The following ASXL1 variants were observed in gnomAD, a reference collection of about 807,000 sequenced individuals.
The protein encoded by ASXL1 is polycomb group protein ASXL1.
ASXL1 carries 65 observed loss-of-function variants against 89.1 expected under a neutral mutation model. The observed-to-expected ratio is 0.73, with a 90% CI of 0.60 to 0.90. The LOEUF is 0.90. Ranked by LOEUF, ASXL1 falls within the 40% of genes least tolerant of loss-of-function variation. ASXL1 has a pLI of 0.00. For synonymous variants in ASXL1, 739 were observed against 746.9 expected (o/e 0.99, Z 0.17); for missense variants, 1,786 against 1,942.9 (o/e 0.92, Z 1.52).
intron 3 of ASXL1, 42 bp from the exon 4 acceptor site, chr20:32,368,973 A>G (rs2048250572): frequency 2.0e-6 from 3 of 1,530,762 alleles, no homozygotes; most frequent in East Asian, 4.5e-5. Context: ...AAGTAGGCAG[A>G]TGGATTGTAT....
intron 4 of ASXL1, among the ~76,000 whole-genome samples, chr20:32,407,653 T>C (rs2048978522): frequency 6.6e-6 from 1 of 152,086 alleles, no homozygotes; most frequent in Non-Finnish European, 1.5e-5. Flanking sequence ...TTTGTAGAGA[T>C]GACGTCTCAC....
intron 4 of ASXL1, among the ~76,000 whole-genome samples, chr20:32,419,211 T>C (rs1288250303): frequency 6.6e-6 from 1 of 152,122 alleles, no homozygotes; most frequent in Non-Finnish European, 1.5e-5. Flanking sequence ...TTGTTTGTTT[T>C]TGTTTTTTTG....
chr20:32,413,702 C>CT (rs2049088621), intron 4 of ASXL1, among the ~76,000 whole-genome samples: 1 of 152,218 alleles, frequency 6.6e-6, no homozygotes, highest in Non-Finnish European at 1.5e-5. Context: ...AAACTGGGGC[C>CT]TGTTGGCTAC....
At position 32,436,361 on chromosome 20, in the gene ASXL1, A is replaced by G; in HGVS notation, c.3649A>G (p.Thr1217Ala). The G allele has an allele frequency of 1.9e-6, 3 of 1,613,804 alleles. No individual in the cohort carries two copies. Among genetic ancestry groups the G allele is most frequent in the African/African-American group, 1.3e-5 (1 of 75,058 alleles). ...AAGTTTTGACTCCCTCCATCCAGTG[A>G]CAAATCCCATTACATCCTCTAGGAA... The part of the protein sequence containing the change: ...VPSFDSLHPV[T>A]NPITSSRKLE... Residue 1217 changes from threonine to alanine, a missense_variant, in exon 13 of 13, where the codon ACA becomes GCA. This residue lies in a region of ASXL1 where 1,418 missense variants were observed against 1,427.8 expected (regional missense o/e 0.99). Coordinates refer to ENST00000375687, the MANE Select transcript of ASXL1 (RefSeq NM_015338.6).
intron 10 of ASXL1, 113 bp from the exon 11 acceptor site, chr20:32,432,767 T>TGAGA: frequency 7.7e-7 from 1 of 1,306,610 alleles, no homozygotes; most frequent in Admixed American, 2.0e-5. Context: ...GAGCATGATG[T>TGAGA]GAGAGAGCCT....
At position 32,434,727 on chromosome 20, in the gene ASXL1, G is replaced by C; in HGVS notation, c.2015G>C (p.Cys672Ser). 2 of 1,612,098 alleles carry C rather than the reference G, an allele frequency of 1.2e-6. No individual in the cohort carries two copies. Among genetic ancestry groups the C allele is most frequent in the Non-Finnish European group, 1.7e-6 (2 of 1,179,492 alleles). ...AGCAGTGGTGATGGTGGTGAGGCCT[G>C]TGGCCACCCTGAGCCCAGGGGAGGC... is the stretch of plus-strand genomic sequence containing the variant. ...GSSSGDGGEA[C>S]GHPEPRGGPS... The change falls in exon 13 of 13, where the codon TGT becomes TCT. Residue 672 changes from cysteine to serine, a missense_variant. This residue lies in a region of ASXL1 where 1,418 missense variants were observed against 1,427.8 expected (regional missense o/e 0.99). Coordinates refer to ENST00000375687, the MANE Select transcript of ASXL1 (RefSeq NM_015338.6).
At chr20:32,398,845 G>A (rs1449058951) in intron 4 of ASXL1, among the ~76,000 whole-genome samples, 3 of 151,370 alleles carry the variant, frequency 2.0e-5, no homozygotes, top group African/African-American at 2.4e-5. Context: ...TCCTGACCTC[G>A]TGATCCGCCC....
intron 4 of ASXL1, among the ~76,000 whole-genome samples, chr20:32,393,884 G>A (rs2048715387): frequency 6.6e-6 from 1 of 151,908 alleles, no homozygotes; most frequent in Non-Finnish European, 1.5e-5. Flanking sequence ...AGGCTGGAGT[G>A]CAGTGGTGCA....
chr20:32,423,624 C>T (rs2011197626), intron 4 of ASXL1, among the ~76,000 whole-genome samples: 1 of 152,126 alleles, frequency 6.6e-6, no homozygotes, highest in Non-Finnish European at 1.5e-5. Flanking sequence ...GATCTTGGCT[C>T]ACTGCAGCCT....
At chr20:32,374,117 A>G (rs539354321) in intron 4 of ASXL1, among the ~76,000 whole-genome samples, 4 of 152,182 alleles carry the variant, frequency 2.6e-5, no homozygotes, top group African/African-American at 4.8e-5. Context: ...GGCTCAAGCA[A>G]TCCTTCCAGC....
intron 4 of ASXL1, among the ~76,000 whole-genome samples, chr20:32,380,585 T>G (rs2048470203): frequency 6.6e-6 from 1 of 151,990 alleles, no homozygotes; most frequent in South Asian, 2.1e-4. Flanking sequence ...AACTTTTGTC[T>G]CTACAAGAAA....
chr20:32,394,704 A>AT (rs1046093303), intron 4 of ASXL1, among the ~76,000 whole-genome samples: 8 of 151,964 alleles, frequency 5.3e-5, no homozygotes, highest in Admixed American at 2.0e-4. Context: ...TAAGTAGTCA[A>AT]TTTTTTTAAA....
intron 4 of ASXL1, among the ~76,000 whole-genome samples, chr20:32,375,714 G>T (rs2122880022): frequency 6.6e-6 from 1 of 151,684 alleles, no homozygotes; most frequent in East Asian, 1.9e-4. Context: ...ACAGGGCCTG[G>T]CTCCGTTGCC....
chr20:32,423,613 T>C lies in ASXL1; in HGVS notation c.253-4515T>C, dbSNP rs539986851. 3.3e-5 allele frequency among the ~76,000 whole-genome samples: 5 copies of C among 152,288 alleles called. No homozygotes were observed. The South Asian group carries it at 1.0e-3, about 32-fold the overall frequency. On this transcript the variant is annotated intron_variant, in intron 4 of 12. Coordinates refer to ENST00000375687, the MANE Select transcript of ASXL1 (RefSeq NM_015338.6). ...TTGCCCAGGCTGGAGTGCAATGGCA[T>C]GATCTTGGCTCACTGCAGCCTGCAT...
intron 4 of ASXL1, among the ~76,000 whole-genome samples, chr20:32,423,052 T>C (rs1040527527): frequency 3.9e-5 from 6 of 152,198 alleles, no homozygotes; most frequent in Admixed American, 2.6e-4. Flanking sequence ...GTCAGACATA[T>C]AGGGTTAATG....
chr20:32,377,054 A>T (rs1341040409), intron 4 of ASXL1, among the ~76,000 whole-genome samples: 1 of 141,930 alleles, frequency 7.0e-6, no homozygotes, highest in Non-Finnish European at 1.5e-5. Flanking sequence ...CAGATATAAT[A>T]TGTCTATTAT....
Position 32,431,695 on chromosome 20 carries a change from C to G in ASXL1, c.979+16C>G, listed in dbSNP as rs2123240143. 1 of 1,611,350 alleles carries G rather than the reference C, an allele frequency of 6.2e-7. No homozygotes were observed. Among genetic ancestry groups the G allele is most frequent in the Non-Finnish European group, 8.5e-7 (1 of 1,179,630 alleles). ...CTGGCTGATGGTATGTAGACTTGGT[C>G]ATCTCGGACGGCTTGCGACGCACCT... On this transcript the variant is annotated intron_variant, in intron 10 of 12. Coordinates refer to ENST00000375687, the MANE Select transcript of ASXL1 (RefSeq NM_015338.6).
chr20:32,423,436 A>G (rs1475739963), intron 4 of ASXL1, among the ~76,000 whole-genome samples: 2 of 151,838 alleles, frequency 1.3e-5, no homozygotes, highest in African/African-American at 4.8e-5. Context: ...GGGGGGTTTC[A>G]TCATGTTGGC....
chr20:32,429,156 G>A lies in ASXL1; in HGVS notation c.472-182G>A, dbSNP rs1170253354. ...ATTTTTGTAGCTTGGAATGATGCTTGGCACAGTGACCAGCACGTAGCTCAG... is the reference window on the plus strand; with the variant it reads ...ATTTTTGTAGCTTGGAATGATGCTTAGCACAGTGACCAGCACGTAGCTCAG... On this transcript the variant is annotated intron_variant, in intron 6 of 12. Transcript: ENST00000375687. This position sits in a 1 kb window ranked among gnomAD's most constrained non-coding sequence, Gnocchi z 4.9. 1.1e-5 allele frequency: 7 copies of A among 660,514 alleles called. No homozygotes were observed. In the Admixed American group the frequency reaches 1.6e-4, roughly 15 times the overall value. The allele number at this position is 660,514 out of a possible 1,614,324, so 40.9% of individuals were successfully genotyped here. A position where few individuals can be genotyped will look rare whatever the true frequency, so the allele number is the denominator to read the frequency against.
Sources: allele counts gnomAD v4.1 joint callset (sites outside exome capture counted in the v4.1 genomes callset), GRCh38; gene constraint gnomAD v4.1.1; regional missense constraint gnomAD v4.1.1; non-coding constraint Gnocchi (gnomAD v3.1); transcripts MANE v1.5; gene names NCBI Gene and HGNC (gene_info 2026-07-23, HGNC 2026-07-21).